Variants in SEMA4D observed in about 807,000 individuals in gnomAD.
The protein encoded by SEMA4D is semaphorin-4D.
Under a neutral mutation model 74.8 loss-of-function variants are expected in SEMA4D, and 22 were observed. That is an observed-to-expected ratio of 0.29 (90% confidence interval 0.21 to 0.42). SEMA4D has a LOEUF of 0.42. Among genes scored for constraint, SEMA4D ranks in the 10% least tolerant of loss-of-function variants. The probability of loss-of-function intolerance (pLI) is 1.00; values close to 1 mark genes in which losing one functional copy is unlikely to be tolerated. For synonymous variants in SEMA4D, 445 were observed against 463.7 expected (o/e 0.96, Z 0.52); for missense variants, 937 against 1,118.4 (o/e 0.84, Z 2.31).
intron 1 of SEMA4D, among the ~76,000 whole-genome samples, chr9:89,481,171 T>C (rs1440818455): frequency 1.3e-5 from 2 of 152,114 alleles, no homozygotes; most frequent in Non-Finnish European, 2.9e-5. Flanking sequence ...ACTGTGAAGC[T>C]GAAAAACACC....
At chr9:89,474,149 T>TC (rs977346847) in intron 1 of SEMA4D, among the ~76,000 whole-genome samples, 2 of 151,932 alleles carry the variant, frequency 1.3e-5, no homozygotes, top group African/African-American at 4.8e-5. Context: ...TCCTCCCACC[T>TC]CCCCCTTTGG....
rs989086317 is a variant in SEMA4D at position 89,387,484 on chromosome 9, G to A, written c.1232C>T (p.Pro411Leu). 1.9e-6 allele frequency: 3 copies of A among 1,614,020 alleles called. No individual in the cohort carries two copies. Among genetic ancestry groups the A allele is most frequent in the South Asian group, 2.2e-5 (2 of 91,084 alleles). Residue 411 changes from proline (P) to leucine (L), a missense_variant, in exon 12 of 16, where the codon CCC becomes CTC. Coordinates refer to ENST00000422704, the MANE Select transcript of SEMA4D (RefSeq NM_001371194.2). ...DDSVTPIDNR[P>L]RLIKKDVNYT... ...GTTCACATCTTTCTTGATTAACCTG[G>A]GCCTGTTGTCTATTGGGGTTACCGA...
rs1426380652 is a variant in SEMA4D, at chr9:89,427,923, C to T, written c.-243-22224G>A. ...GAGCTCCAGGAGGGGGGCTACCTGG[C>T]CATTGTTCTGTCTCTCGTAGGGCCC... is the stretch of plus-strand genomic sequence containing the variant. On this transcript the variant is annotated intron_variant, in intron 2 of 15. Transcript: ENST00000422704. Among the ~76,000 whole-genome samples the T allele has an allele frequency of 2.0e-5, 3 of 152,180 alleles. No individual in the cohort carries two copies. The East Asian group carries it at 5.8e-4, about 29-fold the overall frequency.
chr9:89,366,450 C>T (rs949779946), intron 16 of SEMA4D, among the ~76,000 whole-genome samples: 2 of 152,192 alleles, frequency 1.3e-5, no homozygotes, highest in African/African-American at 2.4e-5. Flanking sequence ...TTTTGCCTGG[C>T]GGCCCATCTG....
At chr9:89,429,153 G>T (rs1039964316) in intron 2 of SEMA4D, among the ~76,000 whole-genome samples, 11 of 152,216 alleles carry the variant, frequency 7.2e-5, no homozygotes, top group African/African-American at 2.4e-4. Context: ...GCACTGGACA[G>T]AAGTGGCATG....
At chr9:89,412,019 C>T (rs1194774375) in intron 2 of SEMA4D, among the ~76,000 whole-genome samples, 2 of 152,144 alleles carry the variant, frequency 1.3e-5, no homozygotes, top group African/African-American at 4.8e-5. Flanking sequence ...GACTGTTCTA[C>T]CCCCAGGAGC....
At chr9:89,385,599 AG>A (rs1838262813) in intron 13 of SEMA4D, 1 of 983,426 alleles carries the variant, frequency 1.0e-6, no homozygotes, top group Non-Finnish European at 1.2e-6. Flanking sequence ...CCATTAGCAG[AG>A]GGGAGGTGAC....
exon 18 of SEMA4D, chr9:89,363,495 G>C: frequency 6.2e-7 from 1 of 1,614,088 alleles, no homozygotes; most frequent in Non-Finnish European, 8.5e-7. Context: ...CAGGCAGAGA[G>C]CTCTCTGGTC....
chr9:89,450,827 G>A lies in SEMA4D; in HGVS notation c.-244+5061C>T, dbSNP rs181577274. On this transcript the variant is annotated intron_variant, in intron 2 of 15. Transcript: ENST00000422704. ...CACCACACCCTAGACTCTGTGAAGT[G>A]CAGTTCTTCTCCACCTAGGACTGCC... 4.0e-3 allele frequency: 2,780 copies of A among 687,708 alleles called. 65 individuals carry two copies. The African/African-American group carries it at 0.044, about 11-fold the overall frequency. 42.6% of individuals were successfully genotyped at this position (687,708 alleles called of 1,614,324 possible).
At position 89,399,323 on chromosome 9, in the gene SEMA4D, A is replaced by C. The variant is rs1841684237; in HGVS notation, c.268T>G (p.Ser90Ala). 3.1e-6 allele frequency: 5 copies of C among 1,613,146 alleles called. No homozygotes were observed. Among genetic ancestry groups the C allele is most frequent in the Admixed American group, 1.7e-5 (1 of 60,038 alleles). ...GCACATTTTGCTTTTTTGTCTTCTG[A>C]GACCTTCCAATACACCTGTTGGGAT... ...EKQHEVYWKV[S>A]EDKKAKCAEK... The change falls in exon 5 of 16, where the codon TCA (serine) becomes GCA (alanine). Residue 90 changes from serine (S) to alanine (A), a missense_variant. By Grantham distance (99) the Ser-to-Ala change is moderately conservative. Transcript: ENST00000422704.
At chr9:89,409,157 A>G (rs143500360) in intron 2 of SEMA4D, among the ~76,000 whole-genome samples, 24 of 152,376 alleles carry the variant, frequency 1.6e-4, no homozygotes, top group African/African-American at 5.8e-4. Context: ...GCTTATCATT[A>G]AAGAGAAAGA....
intron 1 of SEMA4D, among the ~76,000 whole-genome samples, chr9:89,462,975 G>GGAGA (rs1564882302): frequency 1.7e-5 from 2 of 116,716 alleles, no homozygotes; most frequent in African/African-American, 5.9e-5. Flanking sequence ...CGAGGGGAGG[G>GGAGA]GAGCGAGGGA....
intron 1 of SEMA4D, among the ~76,000 whole-genome samples, chr9:89,480,776 C>T (rs1161754438): frequency 6.6e-6 from 1 of 152,250 alleles, no homozygotes. Flanking sequence ...CCGCACACAG[C>T]CCCTGTTCCC....
intron 6 of SEMA4D, among the ~76,000 whole-genome samples, chr9:89,395,592 G>A (rs1313015901): frequency 2.0e-5 from 3 of 152,136 alleles, no homozygotes; most frequent in African/African-American, 7.2e-5. Flanking sequence ...AAATGTTTCT[G>A]GTCCAACCGT....
At chr9:89,386,140 C>T (rs1164268511) in intron 13 of SEMA4D, 8 of 943,140 alleles carry the variant, frequency 8.5e-6, no homozygotes, top group African/African-American at 5.3e-5. Context: ...CCAGCAACTT[C>T]GAAGAGAAAG....
intron 2 of SEMA4D, among the ~76,000 whole-genome samples, chr9:89,453,432 C>G (rs1353221698): frequency 2.0e-5 from 3 of 152,246 alleles, no homozygotes; most frequent in African/African-American, 7.2e-5. Context: ...AGACAGATGT[C>G]CAAGCCAACC....
intron 1 of SEMA4D, among the ~76,000 whole-genome samples, chr9:89,496,170 C>G (rs1465882124): frequency 6.6e-6 from 1 of 152,194 alleles, no homozygotes; most frequent in African/African-American, 2.4e-5. Flanking sequence ...AAACCTCAGC[C>G]CAGGACCCCA....
intron 2 of SEMA4D, among the ~76,000 whole-genome samples, chr9:89,407,118 C>T (rs1843484392): frequency 6.6e-6 from 1 of 152,174 alleles, no homozygotes. Flanking sequence ...GGCTTCCTGC[C>T]CCAGCATCCA....
chr9:89,370,456 G>T (rs990946425), intron 16 of SEMA4D, among the ~76,000 whole-genome samples: 3 of 150,194 alleles, frequency 2.0e-5, no homozygotes, highest in African/African-American at 7.4e-5. Flanking sequence ...TGGTATGTAG[G>T]TGTGTGTCTG....
Sources: allele counts gnomAD v4.1 joint callset (sites outside exome capture counted in the v4.1 genomes callset), GRCh38; gene constraint gnomAD v4.1.1; transcripts MANE v1.5; gene names NCBI Gene and HGNC (gene_info 2026-07-23, HGNC 2026-07-21).